Variants in FGD4 observed in about 807,000 individuals in gnomAD.
The protein encoded by FGD4 is FYVE, RhoGEF and PH domain-containing protein 4.
In FGD4, 42 loss-of-function variants were observed where a neutral mutation model predicts 102.0. The observed-to-expected ratio is 0.41, with a 90% confidence interval of 0.32 to 0.53. FGD4 has a LOEUF of 0.53. FGD4 is among the 20% of genes least tolerant of loss of function. The pLI is 0.21. For missense variants in FGD4, 902 were observed against 1,078.2 expected (o/e 0.84, Z 2.29); for synonymous variants, 380 against 375.7 (o/e 1.01, Z -0.13).
chr12:32,573,886 C>CTA (rs1945903922), intron 2 of FGD4, among the ~76,000 whole-genome samples: 1 of 152,152 alleles, frequency 6.6e-6, no homozygotes, highest in Admixed American at 6.5e-5. Context: ...CAAATAGACA[C>CTA]TATAAATATA....
At chr12:32,597,340 C>T (rs1947993924) in intron 4 of FGD4, among the ~76,000 whole-genome samples, 1 of 152,180 alleles carries the variant, frequency 6.6e-6, no homozygotes, top group African/African-American at 2.4e-5. Context: ...GACATAGTAT[C>T]ATAAGTAGGA....
intron 11 of FGD4, 124 bp from the exon 12 acceptor site, chr12:32,624,298 A>G (rs539681502): frequency 1.2e-4 from 87 of 750,144 alleles, no homozygotes; most frequent in African/African-American, 3.0e-4. Flanking sequence ...AATTTTTGTT[A>G]TAATTCCTTC....
intron 1 of FGD4, among the ~76,000 whole-genome samples, chr12:32,427,293 T>A (rs532171554): frequency 4.6e-5 from 7 of 152,342 alleles, no homozygotes; most frequent in South Asian, 2.1e-4. Flanking sequence ...TCAAAGAACT[T>A]ATTTATTTCT....
chr12:32,577,157 A>G (rs1428497281), intron 3 of FGD4, among the ~76,000 whole-genome samples: 1 of 150,798 alleles, frequency 6.6e-6, no homozygotes, highest in Non-Finnish European at 1.5e-5. Flanking sequence ...TTTTCTCCTT[A>G]TAAAACTCTC....
At chr12:32,417,732 ACT>A (rs1470314126) in intron 1 of FGD4, among the ~76,000 whole-genome samples, 19 of 150,806 alleles carry the variant, frequency 1.3e-4, no homozygotes, top group Admixed American at 1.1e-3. Context: ...CTAATAAGAG[ACT>A]CTGATGCATT....
intron 1 of FGD4, among the ~76,000 whole-genome samples, chr12:32,526,503 C>G (rs1301239418): frequency 2.0e-5 from 3 of 152,156 alleles, no homozygotes; most frequent in Non-Finnish European, 4.4e-5. Context: ...GTATCTAGCT[C>G]AGGGATTGTA....
intron 1 of FGD4, among the ~76,000 whole-genome samples, chr12:32,418,026 G>A (rs1179249484): frequency 3.4e-5 from 5 of 146,488 alleles, no homozygotes; most frequent in Non-Finnish European, 6.0e-5. Context: ...GCACAATCTC[G>A]GCTCATTGCA....
intron 1 of FGD4, among the ~76,000 whole-genome samples, chr12:32,462,723 A>G (rs968547268): frequency 6.6e-6 from 1 of 152,182 alleles, no homozygotes. Flanking sequence ...CCAGATTCAA[A>G]GTGAGAAGGT....
chr12:32,627,181 G>A (rs1477933039), intron 14 of FGD4, among the ~76,000 whole-genome samples: 2 of 137,920 alleles, frequency 1.5e-5, no homozygotes, highest in Non-Finnish European at 3.1e-5. Flanking sequence ...TTGAGACAGA[G>A]TCTCACCCTA....
Position 32,610,784 on chromosome 12 carries a change from G to A in FGD4, c.1552G>A (p.Glu518Lys). The A allele has an allele frequency of 6.2e-7, 1 of 1,613,160 alleles. No individual in the cohort carries two copies. The highest frequency in any genetic ancestry group is 8.5e-7 in the Non-Finnish European group (1 of 1,179,722). Residue 518 changes from glutamate to lysine, a missense_variant, in exon 9 of 17, where the codon GAA becomes AAA. By Grantham distance (56) the Glu-to-Lys change is moderately conservative. Coordinates refer to ENST00000534526, the MANE Select transcript of FGD4 (RefSeq NM_001370298.3). ...CTTTTTTTCCCATTTAGAATCACTTGAAATTATATCTACAGCAGCAAGCCA... is the reference window on the plus strand; with the variant it reads ...CTTTTTTTCCCATTTAGAATCACTTAAAATTATATCTACAGCAGCAAGCCA... ...LDWNDAKKSL[E>K]IISTAASHSN...
At chr12:32,418,523 C>T (rs989673037) in intron 1 of FGD4, among the ~76,000 whole-genome samples, 10 of 152,144 alleles carry the variant, frequency 6.6e-5, no homozygotes, top group Admixed American at 5.9e-4. Context: ...GATTACCAAG[C>T]AGAGACTCTT....
intron 1 of FGD4, among the ~76,000 whole-genome samples, chr12:32,487,836 G>A (rs1362063830): frequency 1.3e-5 from 2 of 152,224 alleles, no homozygotes; most frequent in African/African-American, 4.8e-5. Context: ...CGATAGCTGG[G>A]ACTATGGGCA....
chr12:32,406,092 T>C (rs1453704671), intron 1 of FGD4, among the ~76,000 whole-genome samples: 1 of 151,988 alleles, frequency 6.6e-6, no homozygotes, highest in Admixed American at 6.6e-5. Flanking sequence ...TACTGGCATG[T>C]GCCACCACGC....
At chr12:32,631,415 G>A (rs1388832321) in intron 14 of FGD4, among the ~76,000 whole-genome samples, 1 of 150,024 alleles carries the variant, frequency 6.7e-6, no homozygotes, top group African/African-American at 2.5e-5. Flanking sequence ...ATTGATAGTT[G>A]TTTTAGCTTA....
intron 1 of FGD4, among the ~76,000 whole-genome samples, chr12:32,446,827 A>G (rs756659348): frequency 2.0e-5 from 3 of 152,162 alleles, no homozygotes; most frequent in Non-Finnish European, 4.4e-5. Flanking sequence ...TGCAGTGGGG[A>G]CACTGAGGAA....
At chr12:32,463,511 TATCTAAA>T (rs1943166374) in intron 1 of FGD4, among the ~76,000 whole-genome samples, 1 of 152,264 alleles carries the variant, frequency 6.6e-6, no homozygotes, top group South Asian at 2.1e-4. Context: ...GAGCTTCAGA[TATCTAAA>T]ATGCCTTCAT....
intron 1 of FGD4, among the ~76,000 whole-genome samples, chr12:32,560,856 C>A (rs1944487615): frequency 6.6e-6 from 1 of 151,856 alleles, no homozygotes; most frequent in South Asian, 2.1e-4. Context: ...CCATGCCCAG[C>A]TAATTTTTAT....
chr12:32,514,187 T>C (rs1260063160), intron 1 of FGD4, among the ~76,000 whole-genome samples: 1 of 152,212 alleles, frequency 6.6e-6, no homozygotes, highest in East Asian at 1.9e-4. Flanking sequence ...GAAAAACTAA[T>C]GGATATATAT....
At chr12:32,608,193 G>A in intron 8 of FGD4, 98 bp downstream of exon 8, 2 of 1,474,856 alleles carry the variant, frequency 1.4e-6, no homozygotes, top group Non-Finnish European at 1.9e-6. Context: ...AGCTACTTTA[G>A]TCAAATGTTG....
Sources: allele counts gnomAD v4.1 joint callset (sites outside exome capture counted in the v4.1 genomes callset), GRCh38; gene constraint gnomAD v4.1.1; transcripts MANE v1.5; gene names NCBI Gene and HGNC (gene_info 2026-07-23, HGNC 2026-07-21).